ZDHHC14: variants seen among roughly 807,000 people sequenced by gnomAD.
The protein encoded by ZDHHC14 is zDHHC palmitoyltransferase 14, also known as palmitoyltransferase ZDHHC14.
A neutral mutation model predicts 47.7 loss-of-function variants in ZDHHC14; 16 were observed. That is an observed-to-expected ratio of 0.34 (90% confidence interval 0.23 to 0.51). The LOEUF (loss-of-function observed/expected upper bound fraction) is 0.51. Ranked by LOEUF, ZDHHC14 falls within the 20% of genes least tolerant of loss-of-function variation. ZDHHC14 has a pLI of 0.97. For synonymous variants in ZDHHC14, 293 were observed against 278.9 expected (o/e 1.05, Z -0.50); for missense variants, 515 against 662.5 (o/e 0.78, Z 2.44).
At chr6:157,391,047 TG>T (rs1402390430) in intron 1 of ZDHHC14, among the ~76,000 whole-genome samples, 1 of 152,228 alleles carries the variant, frequency 6.6e-6, no homozygotes, top group Non-Finnish European at 1.5e-5. Flanking sequence ...GAAACAGGTT[TG>T]GGCCTTGGGG....
intron 2 of ZDHHC14, 103 bp downstream of exon 2, chr6:157,542,848 G>C: frequency 2.9e-6 from 4 of 1,399,562 alleles, no homozygotes; most frequent in East Asian, 2.5e-5. Flanking sequence ...CTGAGCGCTG[G>C]GAAGGAAGGA....
chr6:157,610,592 A>AG (rs1252851629), intron 3 of ZDHHC14, among the ~76,000 whole-genome samples: 4 of 152,034 alleles, frequency 2.6e-5, no homozygotes, highest in African/African-American at 9.7e-5. Context: ...GTCAGGATGG[A>AG]GGGAGGGGCT....
At chr6:157,472,270 A>C (rs1392307919) in intron 1 of ZDHHC14, among the ~76,000 whole-genome samples, 7 of 152,128 alleles carry the variant, frequency 4.6e-5, no homozygotes. Flanking sequence ...CCATCAGCCC[A>C]GGAGGAGACC....
chr6:157,533,812 C>A (rs978113325), intron 1 of ZDHHC14, among the ~76,000 whole-genome samples: 1 of 152,224 alleles, frequency 6.6e-6, no homozygotes, highest in Admixed American at 6.5e-5. Context: ...GCCTCAGGCT[C>A]TAAATGTGGA....
At chr6:157,653,735 G>T in intron 8 of ZDHHC14, 108 bp downstream of exon 8, 1 of 957,324 alleles carries the variant, frequency 1.0e-6, no homozygotes, top group South Asian at 1.5e-5. Context: ...AGCGGGGGCA[G>T]CCCACAGCCG....
rs555281455 is a variant in ZDHHC14 at position 157,663,709 on chromosome 6, C to T, written c.1069-9015C>T. 8.5e-5 allele frequency among the ~76,000 whole-genome samples: 13 copies of T among 152,268 alleles called. No individual in the cohort carries two copies. In the South Asian group the frequency reaches 2.1e-3, roughly 24 times the overall value. ...GCACGCAAGCAGAGCTGGCGCTAAA[C>T]GGAACATGAGGCCCGATGCTCTTTC... On this transcript the variant is annotated intron_variant, in intron 8 of 8. Coordinates refer to ENST00000359775, the MANE Select transcript of ZDHHC14 (RefSeq NM_024630.3).
At chr6:157,581,790 T>A (rs1783529372) in intron 2 of ZDHHC14, among the ~76,000 whole-genome samples, 1 of 152,162 alleles carries the variant, frequency 6.6e-6, no homozygotes, top group Non-Finnish European at 1.5e-5. Flanking sequence ...TCTCCATCAC[T>A]TCATTTTGAG....
At chr6:157,504,549 T>G (rs1177567219) in intron 1 of ZDHHC14, among the ~76,000 whole-genome samples, 1 of 148,472 alleles carries the variant, frequency 6.7e-6, no homozygotes, top group African/African-American at 2.5e-5. Flanking sequence ...GGCTCCTGGG[T>G]TCAAGCACCC....
chr6:157,480,078 T>C (rs1392084687), intron 1 of ZDHHC14, among the ~76,000 whole-genome samples: 1 of 152,058 alleles, frequency 6.6e-6, no homozygotes, highest in Non-Finnish European at 1.5e-5. Context: ...TAAGAGCAAG[T>C]GAACTGTTTG....
At chr6:157,516,163 T>A (rs1399676162) in intron 1 of ZDHHC14, among the ~76,000 whole-genome samples, 1 of 152,238 alleles carries the variant, frequency 6.6e-6, no homozygotes, top group Non-Finnish European at 1.5e-5. Context: ...ATGTCTATGT[T>A]GTTTCATGCA....
At position 157,586,724 on chromosome 6, in the gene ZDHHC14, A is replaced by AAATATTGGTTG. The variant is rs1232797115; in HGVS notation, c.407-6262_407-6252dup. 5.9e-5 allele frequency among the ~76,000 whole-genome samples: 9 copies of AAATATTGGTTG among 152,216 alleles called. No individual in the cohort carries two copies. The South Asian group carries it at 1.5e-3, about 25-fold the overall frequency. On this transcript the variant is annotated intron_variant, in intron 2 of 8. Coordinates refer to ENST00000359775, the MANE Select transcript of ZDHHC14 (RefSeq NM_024630.3). The surrounding 1 kb of genome is among the most constrained non-coding windows in gnomAD (Gnocchi z 4.6). The stretch of plus-strand genomic sequence containing the variant: ...CACCGGCTTATAGTAAATCCTTCAT[A>AAATATTGGTTG]AATATTGGTTGACTTTTTTCATGGC...
intron 2 of ZDHHC14, among the ~76,000 whole-genome samples, chr6:157,573,898 G>A (rs901381889): frequency 6.6e-5 from 10 of 151,988 alleles, no homozygotes; most frequent in Non-Finnish European, 1.3e-4. Flanking sequence ...GGAGATGCAC[G>A]GATGCTATGG....
chr6:157,517,211 A>G (rs145667965), intron 1 of ZDHHC14, among the ~76,000 whole-genome samples: 222 of 152,262 alleles, frequency 1.5e-3, no homozygotes, highest in African/African-American at 5.1e-3. Context: ...CAGTTCTCCT[A>G]AAGCAGGGGA....
intron 1 of ZDHHC14, among the ~76,000 whole-genome samples, chr6:157,391,645 C>A (rs1777421126): frequency 6.6e-6 from 1 of 152,196 alleles, no homozygotes; most frequent in Non-Finnish European, 1.5e-5. Flanking sequence ...CTCCTCACTC[C>A]TGTTTATGGT....
At chr6:157,439,713 T>C (rs1267054678) in intron 1 of ZDHHC14, among the ~76,000 whole-genome samples, 1 of 152,186 alleles carries the variant, frequency 6.6e-6, no homozygotes, top group East Asian at 1.9e-4. Flanking sequence ...TGCATACATA[T>C]ATTCATTGCA....
chr6:157,443,824 T>G (rs1435084521), intron 1 of ZDHHC14, among the ~76,000 whole-genome samples: 1 of 152,222 alleles, frequency 6.6e-6, no homozygotes, highest in East Asian at 1.9e-4. Flanking sequence ...CCTTACCTTC[T>G]CTGGAACTCA....
chr6:157,523,670 A>G (rs1384770619), intron 1 of ZDHHC14, among the ~76,000 whole-genome samples: 1 of 151,680 alleles, frequency 6.6e-6, no homozygotes, highest in African/African-American at 2.4e-5. Context: ...CTGAAGTGGG[A>G]GGATCACTGG....
intron 4 of ZDHHC14, chr6:157,632,617 C>A: frequency 1.7e-6 from 1 of 579,908 alleles, no homozygotes. Flanking sequence ...GAAAAAATAC[C>A]CTGCAGATGT....
chr6:157,645,913 G>T, intron 6 of ZDHHC14, 74 bp downstream of exon 6: 1 of 1,350,464 alleles, frequency 7.4e-7, no homozygotes, highest in Non-Finnish European at 1.0e-6. Context: ...GGAAAGAAAA[G>T]GTTGAGCCCA....
Sources: gnomAD v4.1 joint callset for allele counts (sites outside exome capture counted in the v4.1 genomes callset) on GRCh38, gnomAD v4.1.1 for gene constraint, Gnocchi (gnomAD v3.1) non-coding constraint, MANE v1.5 for transcripts, NCBI Gene and HGNC (gene_info 2026-07-23, HGNC 2026-07-21) for gene names.